Variants in PDE9A observed in about 807,000 individuals in gnomAD.
The protein encoded by PDE9A is high affinity cGMP-specific 3',5'-cyclic phosphodiesterase 9A.
PDE9A carries 60 observed loss-of-function variants against 87.4 expected under a neutral mutation model. The observed-to-expected ratio is 0.69, with a 90% confidence interval of 0.56 to 0.85. The LOEUF is 0.85. Among genes scored for constraint, PDE9A ranks in the 40% least tolerant of loss-of-function variants. The pLI is 0.00. For missense variants in PDE9A, 665 were observed against 779.0 expected, an observed-to-expected ratio of 0.85 and a Z score of 1.74; for synonymous variants, 272 against 279.4, an observed-to-expected ratio of 0.97 and a Z score of 0.27.
At chr21:42,733,287 G>C (rs1270404408) in intron 6 of PDE9A, 69 bp from the exon 7 acceptor site, 1 of 909,946 alleles carries the variant, frequency 1.1e-6, no homozygotes, top group African/African-American at 1.6e-5. Context: ...GTAGGTGTTT[G>C]CTTAACCGGT....
chr21:42,723,022 C>G lies in PDE9A; in HGVS notation c.263-8748C>G, dbSNP rs568782524. The stretch of plus-strand genomic sequence containing the variant: ...TGGGGGCAGCCCCTGCCCTGGACAC[C>G]CGTGAACACGGAGGCAGCCGTGTGA... On this transcript the variant is annotated intron_variant, in intron 4 of 19. Transcript: ENST00000291539. This position sits in a 1 kb window ranked among gnomAD's most constrained non-coding sequence, Gnocchi z 4.3. 1.9e-3 allele frequency among the ~76,000 whole-genome samples: 287 copies of G among 152,372 alleles called. No homozygotes were observed. Among genetic ancestry groups the G allele is most frequent in the South Asian group, 3.1e-3 (15 of 4,832 alleles).
rs577416469 is a variant in PDE9A, at chr21:42,737,705, G to A, written c.568+4279G>A. Among the ~76,000 whole-genome samples, 649 of 152,282 alleles carry A rather than the reference G, an allele frequency of 4.3e-3. 4 individuals carry two copies. Among genetic ancestry groups the A allele is most frequent in the African/African-American group, 0.015 (608 of 41,548 alleles). On this transcript the variant is annotated intron_variant, in intron 7 of 19. Coordinates refer to ENST00000291539, the MANE Select transcript of PDE9A (RefSeq NM_002606.3). ...ACTCCTGACCTCAGGTGATCGACCCGCCTCGGCCTCCCAAAGTGCTGAGAT... is the reference window on the plus strand; with the variant it reads ...ACTCCTGACCTCAGGTGATCGACCCACCTCGGCCTCCCAAAGTGCTGAGAT...
At chr21:42,740,019 T>G (rs1248094004) in intron 7 of PDE9A, among the ~76,000 whole-genome samples, 1 of 151,974 alleles carries the variant, frequency 6.6e-6, no homozygotes, top group Non-Finnish European at 1.5e-5. Flanking sequence ...AACAACAAAT[T>G]TTATCTTTTA....
intron 7 of PDE9A, among the ~76,000 whole-genome samples, chr21:42,736,414 C>T (rs566267706): frequency 4.6e-5 from 7 of 152,142 alleles, no homozygotes; most frequent in South Asian, 2.1e-4. Context: ...GTTCTGGCTG[C>T]GGAATTCTCC....
intron 4 of PDE9A, among the ~76,000 whole-genome samples, chr21:42,710,726 G>A (rs565966181): frequency 3.9e-5 from 6 of 152,324 alleles, no homozygotes; most frequent in African/African-American, 1.2e-4. Context: ...GGTGGCTCAC[G>A]CCTGTAATCC....
At chr21:42,751,305 G>A (rs749160616) in intron 9 of PDE9A, 108 bp downstream of exon 9, 6 of 797,704 alleles carry the variant, frequency 7.5e-6, no homozygotes, top group African/African-American at 5.1e-5. Flanking sequence ...CACATCAACC[G>A]CCCCTCCCAG....
At chr21:42,768,470 G>C (rs1418107193) in intron 16 of PDE9A, 178 bp downstream of exon 16, 3 of 1,146,986 alleles carry the variant, frequency 2.6e-6, no homozygotes, top group African/African-American at 1.6e-5. Context: ...GTTATAATTT[G>C]AGACCTGAAA....
chr21:42,748,014 C>T (rs774559243), intron 8 of PDE9A, among the ~76,000 whole-genome samples: 36 of 152,162 alleles, frequency 2.4e-4, no homozygotes, highest in Non-Finnish European at 2.9e-5. Context: ...GCAGGGTCAG[C>T]GGGCCCCAGC....
chr21:42,768,503 T>C, intron 16 of PDE9A: 4 of 1,276,956 alleles, frequency 3.1e-6, no homozygotes, highest in Non-Finnish European at 3.1e-6. Context: ...CCAGAAAAGC[T>C]AATACTCTAA....
chr21:42,693,532 C>A (rs367759783), intron 3 of PDE9A, among the ~76,000 whole-genome samples: 2 of 151,582 alleles, frequency 1.3e-5, no homozygotes, highest in Non-Finnish European at 2.9e-5. Context: ...CCTCGTGATC[C>A]ACCTGCCTCG....
At chr21:42,686,091 C>T (rs888070058) in intron 1 of PDE9A, 101 bp from the exon 2 acceptor site, 14 of 804,608 alleles carry the variant, frequency 1.7e-5, no homozygotes, top group Non-Finnish European at 2.8e-5. Flanking sequence ...CTTTTCAAAA[C>T]GAACCTTCAG....
Position 42,660,916 on chromosome 21 carries a change from C to A in PDE9A, c.69+7033C>A, listed in dbSNP as rs1555898028. ...CATCTCCCCAAATCCCGAAGCTGGTCACGCAACGGGAGCATTGGCCCTGAA... is the reference window on the plus strand; with the variant it reads ...CATCTCCCCAAATCCCGAAGCTGGTAACGCAACGGGAGCATTGGCCCTGAA... On this transcript the variant is annotated intron_variant, in intron 1 of 19. Transcript: ENST00000291539. This position sits in a 1 kb window ranked among gnomAD's most constrained non-coding sequence, Gnocchi z 4.7. Among the ~76,000 whole-genome samples the A allele has an allele frequency of 6.6e-6, 1 of 152,170 alleles. No individual in the cohort carries two copies. The highest frequency in any genetic ancestry group is 1.5e-5 in the Non-Finnish European group (1 of 68,028).
At chr21:42,713,516 T>C (rs117823890) in intron 4 of PDE9A, among the ~76,000 whole-genome samples, 6,045 of 152,344 alleles carry the variant, frequency 0.04, 166 homozygotes, top group Admixed American at 0.069. Flanking sequence ...TATTGATTTG[T>C]AATTTTTTTT....
At chr21:42,662,976 C>G (rs1268073531) in intron 1 of PDE9A, among the ~76,000 whole-genome samples, 3 of 140,234 alleles carry the variant, frequency 2.1e-5, no homozygotes, top group Non-Finnish European at 4.6e-5. Flanking sequence ...CCACGCGCCT[C>G]ACACACAAGA....
intron 18 of PDE9A, among the ~76,000 whole-genome samples, chr21:42,771,698 C>A (rs531906046): frequency 1.3e-5 from 2 of 152,232 alleles, no homozygotes; most frequent in Non-Finnish European, 2.9e-5. Context: ...ATTTTCCAGG[C>A]GTAGCCTTGG....
intron 4 of PDE9A, among the ~76,000 whole-genome samples, chr21:42,727,096 A>C (rs2051211070): frequency 6.6e-6 from 1 of 151,582 alleles, no homozygotes. Flanking sequence ...AAAAAAAAAA[A>C]AAAAGTCTTG....
chr21:42,767,005 A>C (rs912004601), intron 15 of PDE9A, among the ~76,000 whole-genome samples: 15 of 152,082 alleles, frequency 9.9e-5, no homozygotes, highest in African/African-American at 3.6e-4. Flanking sequence ...TGCAGACCAG[A>C]GGCAAAGCGA....
chr21:42,678,871 G>A (rs2059000304), intron 1 of PDE9A, among the ~76,000 whole-genome samples: 1 of 152,240 alleles, frequency 6.6e-6, no homozygotes, highest in Non-Finnish European at 1.5e-5. Flanking sequence ...GCTGGGGGAG[G>A]CAGCGTGGCA....
rs150571595 is a variant in PDE9A, at chr21:42,723,300, C to T, written c.263-8470C>T. Among the ~76,000 whole-genome samples, 7 of 152,358 alleles carry T rather than the reference C, an allele frequency of 4.6e-5. No homozygotes were observed. Among genetic ancestry groups the T allele is most frequent in the African/African-American group, 1.4e-4 (6 of 41,588 alleles). ...ACTCCAGGATTGCCCTGGAACAAAC[C>T]TAAAGTCTCCTATGACATGCAAACA... On this transcript the variant is annotated intron_variant, in intron 4 of 19. Transcript: ENST00000291539. This position sits in a 1 kb window ranked among gnomAD's most constrained non-coding sequence, Gnocchi z 4.3.
Sources: allele counts gnomAD v4.1 joint callset (sites outside exome capture counted in the v4.1 genomes callset), GRCh38; gene constraint gnomAD v4.1.1; non-coding constraint Gnocchi (gnomAD v3.1); transcripts MANE v1.5; gene names NCBI Gene and HGNC (gene_info 2026-07-23, HGNC 2026-07-21).